Variants in TCF4 observed in about 807,000 individuals in gnomAD.
TCF4 encodes SL3-3 enhancer factor 2.
Under a neutral mutation model 82.1 loss-of-function variants are expected in TCF4, and 3 were observed. The observed-to-expected ratio is 0.04, with a 90% CI of 0.02 to 0.09. The LOEUF (loss-of-function observed/expected upper bound fraction) is 0.09. Among genes scored for constraint, TCF4 ranks in the 10% least tolerant of loss-of-function variants. TCF4 has a pLI of 1.00. For synonymous variants in TCF4, 276 were observed against 309.6 expected (o/e 0.89, Z 1.14); for missense variants, 518 against 852.7 (o/e 0.61, Z 4.89).
chr18:55,546,553 C>T (rs374155487), intron 3 of TCF4, among the ~76,000 whole-genome samples: 1 of 151,986 alleles, frequency 6.6e-6, no homozygotes, highest in South Asian at 2.1e-4. Flanking sequence ...GCAGAAGCAC[C>T]GAAGTTGTAG....
chr18:55,397,149 TC>T lies in TCF4; in HGVS notation c.369+6304del, dbSNP rs1282812142. Among the ~76,000 whole-genome samples the T allele has an allele frequency of 3.3e-5, 5 of 152,200 alleles. No individual in the cohort carries two copies. In the South Asian group the frequency reaches 1.0e-3, roughly 32 times the overall value. ...CCTTTACAATGGAACAATCCAGTGG[TC>T]ACCACTTTTGCCAAGTGATTAAAGT... is the stretch of plus-strand genomic sequence containing the variant. On this transcript the variant is annotated intron_variant, in intron 6 of 19. Transcript: ENST00000354452.
intron 8 of TCF4, among the ~76,000 whole-genome samples, chr18:55,305,354 CACTT>C (rs936283901): frequency 6.6e-6 from 1 of 152,132 alleles, no homozygotes; most frequent in Non-Finnish European, 1.5e-5. Flanking sequence ...AAAATTCTGT[CACTT>C]ACAGGGGGAA....
chr18:55,431,823 G>A (rs2095206166), intron 5 of TCF4, among the ~76,000 whole-genome samples: 1 of 152,090 alleles, frequency 6.6e-6, no homozygotes, highest in Admixed American at 6.5e-5. Flanking sequence ...GCACAAACTG[G>A]GTTTCAAAAT....
chr18:55,366,499 A>C (rs1204414574), intron 6 of TCF4, among the ~76,000 whole-genome samples: 1 of 152,230 alleles, frequency 6.6e-6, no homozygotes, highest in African/African-American at 2.4e-5. Flanking sequence ...TATGGCCCCA[A>C]GGGTTCTAAA....
At chr18:55,317,385 T>C (rs1229173187) in intron 8 of TCF4, among the ~76,000 whole-genome samples, 1 of 152,074 alleles carries the variant, frequency 6.6e-6, no homozygotes, top group Non-Finnish European at 1.5e-5. Context: ...CTTTCATTTA[T>C]AATCATGGTT....
At chr18:55,361,767 A>G (rs2085258148) in intron 6 of TCF4, among the ~76,000 whole-genome samples, 1 of 152,196 alleles carries the variant, frequency 6.6e-6, no homozygotes, top group Admixed American at 6.5e-5. Context: ...AAAGGCAGCA[A>G]TCATACAAAT....
At chr18:55,422,080 T>C (rs1193938874) in intron 5 of TCF4, 24 of 505,334 alleles carry the variant, frequency 4.7e-5, no homozygotes, top group Non-Finnish European at 5.2e-5. Flanking sequence ...ACAAAGGGAA[T>C]AGATTAAAAA....
chr18:55,452,781 A>T (rs1349318939), intron 5 of TCF4: 5 of 152,184 alleles, frequency 3.3e-5, no homozygotes, highest in Non-Finnish European at 7.3e-5. Context: ...ACAGGCCTTG[A>T]AGGTGAGATG....
At chr18:55,265,747 T>A (rs188582687) in intron 11 of TCF4, 2 of 152,338 alleles carry the variant, frequency 1.3e-5, no homozygotes, top group African/African-American at 4.8e-5. Flanking sequence ...ATGTTTCTAC[T>A]AGACAAGCCA....
At chr18:55,394,708 C>A (rs968791674) in intron 6 of TCF4, among the ~76,000 whole-genome samples, 5 of 152,188 alleles carry the variant, frequency 3.3e-5, no homozygotes, top group Non-Finnish European at 5.9e-5. Context: ...ATATTCTTGT[C>A]GGTTTCTGTT....
rs55725917 is a variant in TCF4, at chr18:55,586,153, GAGCAGCAGCAGCAGC to G, written c.73-816_73-802del. On this transcript the variant is annotated intron_variant, in intron 2 of 19. Transcript: ENST00000354452. Reference sequence around the variant, plus strand: ...GGAGGAGAAGGAGGAGGAGGAGGAGGAGCAGCAGCAGCAGCAGCAGCAGCAGCAGCAGCAGCAGCA... The same window carrying G: ...GGAGGAGAAGGAGGAGGAGGAGGAGGAGCAGCAGCAGCAGCAGCAGCAGCA... The G allele has an allele frequency of 4.4e-3, 3,094 of 707,772 alleles. 100 individuals are homozygous for G. The highest frequency in any genetic ancestry group is 0.035 in the African/African-American group (1,959 of 55,570). 43.8% of individuals were successfully genotyped at this position (707,772 alleles called of 1,614,324 possible).
At chr18:55,328,899 T>G (rs140788433) in intron 8 of TCF4, among the ~76,000 whole-genome samples, 28 of 152,276 alleles carry the variant, frequency 1.8e-4, no homozygotes, top group African/African-American at 6.0e-4. Context: ...TAGGGTTTAT[T>G]AACCCTCTTT....
intron 6 of TCF4, among the ~76,000 whole-genome samples, chr18:55,359,306 T>C (rs2084447181): frequency 1.3e-5 from 2 of 152,220 alleles, no homozygotes; most frequent in South Asian, 4.1e-4. Flanking sequence ...TATTATTTCT[T>C]TTCCCCCAGT....
chr18:55,448,617 T>A (rs2095566837), intron 5 of TCF4, among the ~76,000 whole-genome samples: 1 of 152,210 alleles, frequency 6.6e-6, no homozygotes, highest in Non-Finnish European at 1.5e-5. Context: ...AGGGGAGGCA[T>A]CTATCTGTGG....
chr18:55,510,814 A>G, intron 3 of TCF4: 1 of 1,150,288 alleles, frequency 8.7e-7, no homozygotes, highest in South Asian at 3.5e-5. Context: ...AGTCAGTAGA[A>G]GGGGAAATGA....
At chr18:55,528,577 G>A (rs898425268) in intron 3 of TCF4, among the ~76,000 whole-genome samples, 1 of 152,124 alleles carries the variant, frequency 6.6e-6, no homozygotes, top group African/African-American at 2.4e-5. Flanking sequence ...GCAAAAATAT[G>A]CTAAAGCCAC....
chr18:55,253,587 G>GA (rs1371851067), intron 15 of TCF4, among the ~76,000 whole-genome samples: 1 of 151,768 alleles, frequency 6.6e-6, no homozygotes, highest in Non-Finnish European at 1.5e-5. Flanking sequence ...AAGTAATGAG[G>GA]AAAAAAATCA....
At chr18:55,582,637 C>CT (rs1440378149) in intron 3 of TCF4, among the ~76,000 whole-genome samples, 14 of 152,096 alleles carry the variant, frequency 9.2e-5, no homozygotes, top group African/African-American at 3.4e-4. Flanking sequence ...TATGGCCACA[C>CT]TTTATTTTTA....
At chr18:55,622,881 C>CTGTGTGTGTGTGTGTGTGTG in intron 2 of TCF4, among the ~76,000 whole-genome samples, 1 of 149,730 alleles carries the variant, frequency 6.7e-6, no homozygotes, top group African/African-American at 2.5e-5. Context: ...TTTCTCCACT[C>CTGTGTGTGTGTGTGTGTGTG]TGTGTGTGTG....
Sources: allele counts gnomAD v4.1 joint callset (sites outside exome capture counted in the v4.1 genomes callset), GRCh38; gene constraint gnomAD v4.1.1; transcripts MANE v1.5; gene names NCBI Gene and HGNC (gene_info 2026-07-23, HGNC 2026-07-21).